NBEA: variants seen among roughly 807,000 people sequenced by gnomAD.
NBEA encodes the protein lysosomal-trafficking regulator 2.
A neutral mutation model predicts 343.4 loss-of-function variants in NBEA; 44 were observed. That is an observed-to-expected ratio of 0.13 (90% CI 0.10 to 0.16). The LOEUF is 0.16. Ranked by LOEUF, NBEA falls within the 10% of genes least tolerant of loss-of-function variation. NBEA has a pLI of 1.00. For synonymous variants in NBEA, 1,175 were observed against 1,238.7 expected, an observed-to-expected ratio of 0.95 and a Z score of 1.08; for missense variants, 2,555 against 3,631.3, an observed-to-expected ratio of 0.70 and a Z score of 7.62.
chr13:34,985,382 A>G (rs943539418), intron 1 of NBEA, among the ~76,000 whole-genome samples: 12 of 151,180 alleles, frequency 7.9e-5, no homozygotes, highest in African/African-American at 2.7e-4. Context: ...TATCCCAGGG[A>G]TGAAGCCGAC....
chr13:34,996,854 A>G (rs893620007), intron 1 of NBEA, among the ~76,000 whole-genome samples: 1 of 152,160 alleles, frequency 6.6e-6, no homozygotes, highest in African/African-American at 2.4e-5. Context: ...TTAAAAATAT[A>G]TGTGACGAAG....
intron 41 of NBEA, among the ~76,000 whole-genome samples, chr13:35,540,234 C>T (rs2078758632): frequency 6.6e-6 from 1 of 151,526 alleles, no homozygotes; most frequent in African/African-American, 2.4e-5. Flanking sequence ...TGATCTGAAA[C>T]AGAAGAAAAT....
In NBEA at chr13:35,555,009, C is replaced by T. The variant is rs2079516243; in HGVS notation, c.6829C>T (p.Arg2277Ter). The T allele has an allele frequency of 6.2e-7, 1 of 1,610,392 alleles. No homozygotes were observed. The change falls in exon 44 of 59, where the codon CGA becomes TGA. Residue 2277 changes from arginine to a stop codon, truncating the protein, a stop_gained. Coordinates refer to ENST00000379939, the MANE Select transcript of NBEA (RefSeq NM_001385012.1). LOFTEE classifies it high-confidence loss of function. ...QARRISLATP[R>*]QLYKSSNMTQ... ...TAGGAGGATATCATTGGCCACTCCT[C>T]GACAGCTTTATAAATCTTCCAATAT...
intron 41 of NBEA, among the ~76,000 whole-genome samples, chr13:35,507,075 A>G (rs530568182): frequency 6.6e-6 from 1 of 152,240 alleles, no homozygotes; most frequent in South Asian, 2.1e-4. Context: ...TTCTCTGAAA[A>G]TGCTTTTGTT....
At chr13:35,024,726 G>C (rs995737216) in intron 1 of NBEA, among the ~76,000 whole-genome samples, 1 of 152,150 alleles carries the variant, frequency 6.6e-6, no homozygotes, top group Admixed American at 6.5e-5. Context: ...AAGTAGTTTT[G>C]TTTTAAGTCC....
chr13:35,137,988 C>A (rs2067837626), intron 17 of NBEA, among the ~76,000 whole-genome samples: 2 of 151,732 alleles, frequency 1.3e-5, no homozygotes, highest in Non-Finnish European at 1.5e-5. Context: ...AATGAGTTGA[C>A]AAAGGAATAA....
intron 41 of NBEA, among the ~76,000 whole-genome samples, chr13:35,489,328 C>T (rs1407493454): frequency 6.6e-6 from 1 of 151,716 alleles, no homozygotes; most frequent in Non-Finnish European, 1.5e-5. Context: ...CACAAGCGGT[C>T]GTTTTATGAA....
At chr13:35,127,549 A>T (rs1267225750) in intron 17 of NBEA, among the ~76,000 whole-genome samples, 1 of 152,258 alleles carries the variant, frequency 6.6e-6, no homozygotes, top group Non-Finnish European at 1.5e-5. Context: ...AAAGAAGGAA[A>T]GTAGAGCAAG....
chr13:35,413,830 C>T (rs144135587), intron 38 of NBEA, among the ~76,000 whole-genome samples: 60 of 152,072 alleles, frequency 3.9e-4, no homozygotes, highest in African/African-American at 1.4e-3. Context: ...ATAATTTAGT[C>T]ATTAATGGCA....
intron 1 of NBEA, among the ~76,000 whole-genome samples, chr13:34,955,213 C>G (rs1023443652): frequency 6.6e-6 from 1 of 151,888 alleles, no homozygotes; most frequent in Non-Finnish European, 1.5e-5. Flanking sequence ...CATATGGAAA[C>G]TTCCGTTTTT....
At chr13:35,072,715 C>A (rs996803894) in intron 10 of NBEA, among the ~76,000 whole-genome samples, 5 of 152,128 alleles carry the variant, frequency 3.3e-5, no homozygotes, top group South Asian at 4.1e-4. Flanking sequence ...GCACCTGCCA[C>A]CATGCCCAGC....
At chr13:35,611,982 G>T (rs2082540713) in intron 48 of NBEA, among the ~76,000 whole-genome samples, 1 of 151,978 alleles carries the variant, frequency 6.6e-6, no homozygotes, top group Non-Finnish European at 1.5e-5. Context: ...TTAAGAAACT[G>T]CCCAGCTGTT....
chr13:35,553,834 A>G (rs1240582557), intron 43 of NBEA, among the ~76,000 whole-genome samples: 1 of 152,214 alleles, frequency 6.6e-6, no homozygotes, highest in East Asian at 1.9e-4. Flanking sequence ...AACATTTGTC[A>G]GATACCACAC....
chr13:34,992,695 C>T (rs147355848), intron 1 of NBEA, among the ~76,000 whole-genome samples: 55 of 151,732 alleles, frequency 3.6e-4, no homozygotes, highest in African/African-American at 6.0e-4. Context: ...TTTTTTGAGA[C>T]GGAGTCTTGC....
intron 34 of NBEA, among the ~76,000 whole-genome samples, chr13:35,270,067 G>GC (rs2034008419): frequency 6.6e-6 from 1 of 152,034 alleles, no homozygotes; most frequent in Non-Finnish European, 1.5e-5. Context: ...GACTTGACCT[G>GC]ATGTTCTGAG....
intron 38 of NBEA, among the ~76,000 whole-genome samples, chr13:35,407,653 A>G (rs1326996549): frequency 6.6e-6 from 1 of 152,156 alleles, no homozygotes; most frequent in Non-Finnish European, 1.5e-5. Flanking sequence ...TGGTATAAAT[A>G]TACCTTGTCC....
chr13:35,179,360 G>A (rs1301845813), intron 28 of NBEA, among the ~76,000 whole-genome samples: 3 of 151,318 alleles, frequency 2.0e-5, no homozygotes, highest in African/African-American at 4.8e-5. Flanking sequence ...AAAGCAGACC[G>A]GAGAAACATT....
At chr13:35,395,846 T>C (rs1001951800) in intron 38 of NBEA, among the ~76,000 whole-genome samples, 14 of 152,216 alleles carry the variant, frequency 9.2e-5, no homozygotes, top group Admixed American at 2.0e-4. Flanking sequence ...GTGAATATTA[T>C]GTTTCTTCAA....
intron 1 of NBEA, among the ~76,000 whole-genome samples, chr13:35,035,494 G>A (rs2062405309): frequency 6.6e-6 from 1 of 151,910 alleles, no homozygotes. Flanking sequence ...GCAGCTCCTG[G>A]ATGAAATCTT....
Sources: gnomAD v4.1 joint callset for allele counts (sites outside exome capture counted in the v4.1 genomes callset) on GRCh38, gnomAD v4.1.1 for gene constraint, MANE v1.5 for transcripts, NCBI Gene and HGNC (gene_info 2026-07-23, HGNC 2026-07-21) for gene names.